MCF2L2: variants seen among roughly 807,000 people sequenced by gnomAD.
MCF2L2 encodes probable guanine nucleotide exchange factor MCF2L2.
Under a neutral mutation model 150.2 loss-of-function variants are expected in MCF2L2, and 102 were observed. The ratio of observed to expected loss-of-function variants is 0.68; its 90% CI spans 0.58 to 0.80. The LOEUF (loss-of-function observed/expected upper bound fraction) is 0.80. MCF2L2 is among the 30% of genes least tolerant of loss of function. The probability of loss-of-function intolerance (pLI) is 0.00; values close to 1 mark genes in which losing one functional copy is unlikely to be tolerated. For synonymous variants in MCF2L2, 465 were observed against 491.3 expected (o/e 0.95, Z 0.71); for missense variants, 1,256 against 1,372.8 (o/e 0.91, Z 1.34).
At chr3:183,381,717 C>T (rs1713537820) in intron 2 of MCF2L2, among the ~76,000 whole-genome samples, 1 of 152,006 alleles carries the variant, frequency 6.6e-6, no homozygotes, top group Admixed American at 6.6e-5. Context: ...TTTATTAATC[C>T]TATATGTTTA....
In MCF2L2 at chr3:183,410,383, G is replaced by A. The variant is rs185697114; in HGVS notation, c.76+17519C>T. Reference sequence around the variant, plus strand: ...CCCTCCAGTCCAGTGGCCTACAAGCGTCCTCTCCAAACCCCTCAGATCATT... The same window carrying A: ...CCCTCCAGTCCAGTGGCCTACAAGCATCCTCTCCAAACCCCTCAGATCATT... On this transcript the variant is annotated intron_variant, in intron 1 of 29. Transcript: ENST00000328913. 5.3e-5 allele frequency among the ~76,000 whole-genome samples: 8 copies of A among 152,242 alleles called. No individual in the cohort carries two copies. The East Asian group carries it at 9.7e-4, about 18-fold the overall frequency.
chr3:183,331,819 G>T (rs909552635), intron 5 of MCF2L2, among the ~76,000 whole-genome samples: 2 of 152,090 alleles, frequency 1.3e-5, no homozygotes, highest in African/African-American at 4.8e-5. Context: ...ATGGAGCCAC[G>T]GCACTCCAGC....
intron 7 of MCF2L2, among the ~76,000 whole-genome samples, chr3:183,312,551 G>A (rs528135962): frequency 9.8e-5 from 15 of 152,358 alleles, no homozygotes; most frequent in African/African-American, 2.2e-4. Context: ...TCCTGGGTCA[G>A]AGGAGGCTGG....
chr3:183,357,798 G>T (rs1360242744), intron 3 of MCF2L2, among the ~76,000 whole-genome samples: 2 of 147,630 alleles, frequency 1.4e-5, no homozygotes, highest in African/African-American at 5.0e-5. Flanking sequence ...ACTCACTGTG[G>T]TTTTCCACTT....
chr3:183,185,405 G>A lies in MCF2L2; in HGVS notation c.3017-5246C>T, dbSNP rs140818419. ...ATTCCATGCTTTCAGAGATCTAGGC[G>A]CAAGCCTAAGGGCTTCATCTCATTT... On this transcript the variant is annotated intron_variant, in intron 27 of 29. Transcript: ENST00000328913. Among the ~76,000 whole-genome samples, 6 of 152,354 alleles carry A rather than the reference G, an allele frequency of 3.9e-5. No individual in the cohort carries two copies. The East Asian group carries it at 9.6e-4, about 24-fold the overall frequency.
rs905925026 is a variant in MCF2L2, at chr3:183,205,959, A to C, written c.2806-5T>G. 1 of 1,612,442 alleles carries C rather than the reference A, an allele frequency of 6.2e-7. No homozygotes were observed. The highest frequency in any genetic ancestry group is 8.5e-7 in the Non-Finnish European group (1 of 1,178,560). ...TCTGATTTCTTTTGAAGCTGCCTGC[A>C]ATCACACATAAGAAAACACTATAAG... On this transcript the variant is annotated splice_polypyrimidine_tract_variant and splice_region_variant and intron_variant, in intron 24 of 29. Transcript: ENST00000328913.
At chr3:183,413,843 C>T (rs1715445930) in intron 1 of MCF2L2, among the ~76,000 whole-genome samples, 1 of 152,130 alleles carries the variant, frequency 6.6e-6, no homozygotes, top group Non-Finnish European at 1.5e-5. Flanking sequence ...GTAAGTGGAT[C>T]GCCATAAAGC....
chr3:183,361,102 C>CAAGACAAGACAAGACAAGAA (rs1325681167), intron 3 of MCF2L2, among the ~76,000 whole-genome samples: 16 of 97,452 alleles, frequency 1.6e-4, no homozygotes, highest in African/African-American at 6.2e-4. Flanking sequence ...CAAGACAAGA[C>CAAGACAAGACAAGACAAGAA]AAGAAAAGAA....
chr3:183,198,770 C>G (rs559612043), intron 25 of MCF2L2, among the ~76,000 whole-genome samples: 6 of 152,234 alleles, frequency 3.9e-5, no homozygotes, highest in African/African-American at 1.4e-4. Flanking sequence ...GGTCCTTAAA[C>G]CACCCTTTGA....
Position 183,215,918 on chromosome 3 carries a change from T to A in MCF2L2, c.2496+51A>T, listed in dbSNP as rs374583981. The A allele has an allele frequency of 3.1e-6, 5 of 1,589,738 alleles. No homozygotes were observed. The African/African-American group carries it at 6.7e-5, about 21-fold the overall frequency. On this transcript the variant is annotated intron_variant, in intron 22 of 29. Coordinates refer to ENST00000328913, the MANE Select transcript of MCF2L2 (RefSeq NM_015078.4). ...GCCAGAGCATTTCCTCACTGTGTAG[T>A]ATTGCACCTGCCTTTTGTGTGAGAT... is the stretch of plus-strand genomic sequence containing the variant.
At chr3:183,379,193 G>T in intron 3 of MCF2L2, 104 bp downstream of exon 3, 2 of 751,546 alleles carry the variant, frequency 2.7e-6, no homozygotes, top group Non-Finnish European at 4.2e-6. Context: ...GCATACCAGG[G>T]TACACCATGC....
chr3:183,226,125 G>C (rs1473031119), intron 18 of MCF2L2: 1 of 152,190 alleles, frequency 6.6e-6, no homozygotes, highest in African/African-American at 2.4e-5. Context: ...CTCTGGAGGA[G>C]AATTGTTTCA....
intron 1 of MCF2L2, among the ~76,000 whole-genome samples, chr3:183,421,802 CTTGT>C (rs1270180099): frequency 2.0e-5 from 3 of 152,156 alleles, no homozygotes; most frequent in Admixed American, 6.5e-5. Flanking sequence ...ATCTCTGGGG[CTTGT>C]TTTTGTTTGT....
intron 1 of MCF2L2, among the ~76,000 whole-genome samples, chr3:183,417,520 T>C (rs2314382): frequency 0.1 from 15,340 of 152,250 alleles, 831 homozygotes; most frequent in African/African-American, 0.15. Flanking sequence ...TACATAATTA[T>C]CTTTACTGAT....
intron 2 of MCF2L2, among the ~76,000 whole-genome samples, chr3:183,384,675 T>C (rs1367395187): frequency 6.6e-6 from 1 of 152,194 alleles, no homozygotes; most frequent in Non-Finnish European, 1.5e-5. Context: ...CCCTGAATGC[T>C]TGGTGAGACT....
intron 6 of MCF2L2, among the ~76,000 whole-genome samples, chr3:183,322,942 T>C (rs1190919283): frequency 6.6e-6 from 1 of 152,176 alleles, no homozygotes; most frequent in East Asian, 1.9e-4. Flanking sequence ...AATTAGTTTC[T>C]CTGAGGTATA....
Position 183,352,877 on chromosome 3 carries a change from T to C in MCF2L2, c.276-11247A>G, listed in dbSNP as rs372572476. On this transcript the variant is annotated intron_variant, in intron 3 of 29. Coordinates refer to ENST00000328913, the MANE Select transcript of MCF2L2 (RefSeq NM_015078.4). ...ATCATTATGTTTTAAAAAGAACCTC[T>C]GTCTTGTAGAAATGCATGCTGAAAT... Among the ~76,000 whole-genome samples, 55 of 152,350 alleles carry C rather than the reference T, an allele frequency of 3.6e-4. 2 individuals are homozygous for C. The highest frequency in any genetic ancestry group is 1.7e-3 in the Admixed American group (26 of 15,306).
chr3:183,216,320 G>A (rs1191783801), intron 21 of MCF2L2, among the ~76,000 whole-genome samples: 2 of 150,520 alleles, frequency 1.3e-5, no homozygotes, highest in African/African-American at 4.9e-5. Flanking sequence ...CATTGTACTA[G>A]TGACGAATGA....
chr3:183,184,946 C>T (rs1721645930), intron 27 of MCF2L2, among the ~76,000 whole-genome samples: 1 of 149,356 alleles, frequency 6.7e-6, no homozygotes, highest in African/African-American at 2.5e-5. Flanking sequence ...GAGACGGAGT[C>T]TCGCTCTATT....
Sources: allele counts gnomAD v4.1 joint callset (sites outside exome capture counted in the v4.1 genomes callset), GRCh38; gene constraint gnomAD v4.1.1; transcripts MANE v1.5; gene names NCBI Gene and HGNC (gene_info 2026-07-23, HGNC 2026-07-21).